EYS: variants seen among roughly 807,000 people sequenced by gnomAD.
EYS encodes EGF-like photoreceptor maintenance factor, also known as protein eyes shut homolog.
Under a neutral mutation model 282.1 loss-of-function variants are expected in EYS, and 250 were observed. That is an observed-to-expected ratio of 0.89 (90% CI 0.80 to 0.98). EYS has a LOEUF of 0.98. Ranked by LOEUF, EYS falls within the 50% of genes least tolerant of loss-of-function variation. The pLI is 0.00. For missense variants in EYS, 4,016 were observed against 3,709.0 expected (o/e 1.08, Z -2.15); for synonymous variants, 1,355 against 1,282.9 (o/e 1.06, Z -1.20).
At chr6:64,564,910 A>G (rs1765517171) in intron 26 of EYS, among the ~76,000 whole-genome samples, 2 of 152,144 alleles carry the variant, frequency 1.3e-5, no homozygotes, top group South Asian at 2.1e-4. Flanking sequence ...TTTGGTTTTG[A>G]TGTATACTAC....
chr6:65,012,534 G>A (rs1771906187), intron 13 of EYS, among the ~76,000 whole-genome samples: 1 of 152,072 alleles, frequency 6.6e-6, no homozygotes, highest in Admixed American at 6.6e-5. Flanking sequence ...CAACTACAGG[G>A]ATAAAGGTAT....
In EYS at chr6:64,526,911, T is replaced by C. The variant is rs1777938257; in HGVS notation, c.5644+63312A>G. On this transcript the variant is annotated intron_variant, in intron 26 of 42. Transcript: ENST00000503581. ...ACTGAGTTGCATAATTGTGTTGACT[T>C]ACGTACTGTTAAATTCTAAGTGATC... Among the ~76,000 whole-genome samples, 3 of 151,826 alleles carry C rather than the reference T, an allele frequency of 2.0e-5. 1 individual carries two copies. In the South Asian group the frequency reaches 6.2e-4, roughly 31 times the overall value.
chr6:64,027,578 GACAA>G (rs1326016400), intron 33 of EYS, among the ~76,000 whole-genome samples: 1 of 152,152 alleles, frequency 6.6e-6, no homozygotes. Flanking sequence ...ATGGCCCTCA[GACAA>G]ACAAACCTTG....
At chr6:64,647,059 C>G (rs1428786524) in intron 22 of EYS, among the ~76,000 whole-genome samples, 1 of 151,980 alleles carries the variant, frequency 6.6e-6, no homozygotes, top group East Asian at 1.9e-4. Context: ...TAAAAGAAAC[C>G]ACTTACTGTG....
At chr6:64,879,095 T>G (rs1229247972) in intron 19 of EYS, among the ~76,000 whole-genome samples, 1 of 152,194 alleles carries the variant, frequency 6.6e-6, no homozygotes, top group African/African-American at 2.4e-5. Flanking sequence ...TTTGTTGGCT[T>G]TTTTGAACAG....
chr6:65,470,219 T>C (rs1765158401), intron 5 of EYS, among the ~76,000 whole-genome samples: 1 of 152,140 alleles, frequency 6.6e-6, no homozygotes, highest in Admixed American at 6.5e-5. Context: ...AAGTAAGGTA[T>C]AGACTTAAGA....
intron 26 of EYS, among the ~76,000 whole-genome samples, chr6:64,549,878 C>T (rs945185706): frequency 6.6e-6 from 1 of 151,842 alleles, no homozygotes; most frequent in Non-Finnish European, 1.5e-5. Flanking sequence ...TAATGCTATC[C>T]CTCCCTCCTC....
At chr6:63,759,870 G>A (rs1769588271) in intron 41 of EYS, among the ~76,000 whole-genome samples, 1 of 152,044 alleles carries the variant, frequency 6.6e-6, no homozygotes. Flanking sequence ...CATCCCATGT[G>A]TTGGAAGGGC....
intron 22 of EYS, among the ~76,000 whole-genome samples, chr6:64,757,471 AT>A (rs1772980039): frequency 6.6e-6 from 1 of 152,178 alleles, no homozygotes; most frequent in Admixed American, 6.5e-5. Context: ...GGCACATTAA[AT>A]ACACAAGTAT....
rs184951112 is a variant in EYS, at chr6:65,612,358, G to T, written c.-333+27420C>A. The stretch of plus-strand genomic sequence containing the variant: ...TTCCTTGATACTGATTCGGATTGTT[G>T]TTTGGTCCATCTATCTGATTACTGC... On this transcript the variant is annotated intron_variant, in intron 2 of 42. Coordinates refer to ENST00000503581, the MANE Select transcript of EYS (RefSeq NM_001142800.2). Among the ~76,000 whole-genome samples, 337 of 151,698 alleles carry T rather than the reference G, an allele frequency of 2.2e-3. 3 individuals are homozygous for T. The highest frequency in any genetic ancestry group is 7.6e-3 in the African/African-American group (315 of 41,468).
Position 64,409,150 on chromosome 6 carries a change from T to C in EYS, c.5928-20310A>G, listed in dbSNP as rs569581155. On this transcript the variant is annotated intron_variant, in intron 28 of 42. Transcript: ENST00000503581. ...TTCATTCCCTTTTATGGCTGCATAG[T>C]ATTCCATGGTGTATATGCACCACAC... Among the ~76,000 whole-genome samples, 7 of 152,328 alleles carry C rather than the reference T, an allele frequency of 4.6e-5. No homozygotes were observed. In the East Asian group the frequency reaches 1.4e-3, roughly 29 times the overall value.
intron 30 of EYS, among the ~76,000 whole-genome samples, chr6:64,275,727 C>T (rs1375342017): frequency 6.6e-6 from 1 of 150,708 alleles, no homozygotes; most frequent in Non-Finnish European, 1.5e-5. Context: ...GAGGCCGAGG[C>T]GGGCGGATCA....
intron 35 of EYS, among the ~76,000 whole-genome samples, chr6:63,900,190 G>T (rs1773625518): frequency 6.6e-6 from 1 of 152,062 alleles, no homozygotes; most frequent in Non-Finnish European, 1.5e-5. Context: ...ACAGCCTGCA[G>T]GTATTATTTA....
At chr6:64,321,721 C>T (rs1241662734) in intron 29 of EYS, among the ~76,000 whole-genome samples, 2 of 151,800 alleles carry the variant, frequency 1.3e-5, no homozygotes, top group Admixed American at 6.6e-5. Context: ...TATGGATGAA[C>T]TTGGATGTTA....
chr6:64,891,658 G>C (rs1012700187), intron 18 of EYS, among the ~76,000 whole-genome samples: 1 of 151,926 alleles, frequency 6.6e-6, no homozygotes, highest in Admixed American at 6.6e-5. Context: ...CTCTAATAAG[G>C]CTAGAGAAAA....
chr6:64,902,239 A>G lies in EYS; in HGVS notation c.2739-19T>C. The G allele has an allele frequency of 6.7e-7, 1 of 1,496,906 alleles. No homozygotes were observed. Among genetic ancestry groups the G allele is most frequent in the Non-Finnish European group, 9.1e-7 (1 of 1,099,408 alleles). The allele number at this position is 1,496,906 out of a possible 1,614,324, so 92.7% of individuals were successfully genotyped here. On this transcript the variant is annotated intron_variant, in intron 17 of 42. Coordinates refer to ENST00000503581, the MANE Select transcript of EYS (RefSeq NM_001142800.2). ...AATACACCTTTTAAACAAAAAATTT[A>G]GTAACTCCATTAGTATATATGTATA...
chr6:63,778,338 T>A (rs1770119980), intron 39 of EYS, 158 bp from the exon 40 acceptor site: 1 of 721,274 alleles, frequency 1.4e-6, no homozygotes, highest in Non-Finnish European at 2.2e-6. Flanking sequence ...CGCAGAGAAA[T>A]TTTTTTTTAA....
At chr6:64,365,463 T>TGGAAAATCAGGCCACTTTTATG (rs1467689233) in intron 29 of EYS, among the ~76,000 whole-genome samples, 1 of 151,918 alleles carries the variant, frequency 6.6e-6, no homozygotes, top group African/African-American at 2.4e-5. Flanking sequence ...TCTGAAGCTC[T>TGGAAAATCAGGCCACTTTTATG]GGAAAATCAG....
intron 2 of EYS, among the ~76,000 whole-genome samples, chr6:65,511,360 T>TGA (rs1766861498): frequency 6.6e-6 from 1 of 151,330 alleles, no homozygotes; most frequent in African/African-American, 2.4e-5. Flanking sequence ...TGTGTGTGTG[T>TGA]GTGTGTGAGA....
Sources: gnomAD v4.1 joint callset for allele counts (sites outside exome capture counted in the v4.1 genomes callset) on GRCh38, gnomAD v4.1.1 for gene constraint, MANE v1.5 for transcripts, NCBI Gene and HGNC (gene_info 2026-07-23, HGNC 2026-07-21) for gene names.